The following FXR1 variants were observed in gnomAD, a reference collection of about 807,000 sequenced individuals.
FXR1 encodes FMR1 autosomal homolog 1.
FXR1 carries 15 observed loss-of-function variants against 84.0 expected under a neutral mutation model. That is an observed-to-expected ratio of 0.18 (90% CI 0.12 to 0.27). The LOEUF is 0.27. Among genes scored for constraint, FXR1 ranks in the 10% least tolerant of loss-of-function variants. The pLI is 1.00. For synonymous variants in FXR1, 245 were observed against 250.7 expected, an observed-to-expected ratio of 0.98 and a Z score of 0.21; for missense variants, 480 against 774.4, an observed-to-expected ratio of 0.62 and a Z score of 4.51.
At chr3:180,953,164 A>C (rs1722404029) in intron 8 of FXR1, among the ~76,000 whole-genome samples, 2 of 152,200 alleles carry the variant, frequency 1.3e-5, no homozygotes, top group African/African-American at 4.8e-5. Flanking sequence ...TTATTAAAGA[A>C]CACACGTTAA....
chr3:180,912,702 TG>T lies in FXR1; in HGVS notation c.19del (p.Glu7ArgfsTer49). 6.2e-7 allele frequency: 1 copy of T among 1,610,578 alleles called. No homozygotes were observed. The highest frequency in any genetic ancestry group is 8.5e-7 in the Non-Finnish European group (1 of 1,178,706). ...GGTTCCAACATGGCGGAGCTGACGG[TG>T]GAGGTTCGCGGCTCTAACGGGGCTT... is the stretch of plus-strand genomic sequence containing the variant. Reference protein sequence around the residue: MAELTVEVRGSNGAFY... With the variant: MAELTXEVRGSNGAFY... On this transcript the variant is annotated frameshift_variant, in exon 1 of 17. Transcript: ENST00000357559. LOFTEE classifies it high-confidence loss of function.
chr3:180,932,085 A>AAAAAAAAAAC (rs1452144956), intron 1 of FXR1, among the ~76,000 whole-genome samples: 12 of 150,646 alleles, frequency 8.0e-5, no homozygotes, highest in African/African-American at 1.7e-4. Flanking sequence ...CAAAAAAAAA[A>AAAAAAAAAAC]AAAAACAACT....
intron 10 of FXR1, among the ~76,000 whole-genome samples, chr3:180,960,346 TACCTG>T (rs1711940536): frequency 1.3e-5 from 2 of 152,242 alleles, no homozygotes; most frequent in Admixed American, 1.3e-4. Flanking sequence ...AAGATTTTGT[TACCTG>T]AGCACATACT....
chr3:180,921,384 A>C (rs577876377), intron 1 of FXR1, among the ~76,000 whole-genome samples: 3 of 152,176 alleles, frequency 2.0e-5, no homozygotes, highest in East Asian at 3.9e-4. Flanking sequence ...AAAAAAAAAA[A>C]AAAAACTTGT....
chr3:180,946,029 T>C (rs1361696890), intron 3 of FXR1, among the ~76,000 whole-genome samples: 1 of 152,256 alleles, frequency 6.6e-6, no homozygotes, highest in African/African-American at 2.4e-5. Context: ...TTGCATCTGT[T>C]GTCTGATATC....
intron 1 of FXR1, among the ~76,000 whole-genome samples, chr3:180,923,188 T>C (rs536163479): frequency 6.6e-6 from 1 of 152,328 alleles, no homozygotes; most frequent in African/African-American, 2.4e-5. Context: ...TTCTTGCATG[T>C]GTGTCTCTCC....
At chr3:180,921,072 A>T (rs1718528848) in intron 1 of FXR1, among the ~76,000 whole-genome samples, 1 of 151,954 alleles carries the variant, frequency 6.6e-6, no homozygotes, top group African/African-American at 2.4e-5. Flanking sequence ...TTCTTATTAG[A>T]GCTTACTCCA....
At chr3:180,927,701 G>A (rs1049469987) in intron 1 of FXR1, 2 of 489,978 alleles carry the variant, frequency 4.1e-6, no homozygotes, top group Non-Finnish European at 7.2e-6. Flanking sequence ...AGTAAGGTAG[G>A]ATCTACAAGA....
chr3:180,936,324 A>G (rs956958491), intron 3 of FXR1, among the ~76,000 whole-genome samples: 13 of 152,126 alleles, frequency 8.5e-5, no homozygotes, highest in South Asian at 8.3e-4. Context: ...CTGGAGTTCA[A>G]TGGAGCAATC....
chr3:180,923,559 C>G (rs1006076540), intron 1 of FXR1, among the ~76,000 whole-genome samples: 2 of 151,616 alleles, frequency 1.3e-5, no homozygotes, highest in African/African-American at 4.8e-5. Context: ...AATCTGTTAA[C>G]TATGTAGACA....
At chr3:180,958,697 C>A (rs1198628025) in intron 10 of FXR1, among the ~76,000 whole-genome samples, 1 of 151,644 alleles carries the variant, frequency 6.6e-6, no homozygotes, top group Admixed American at 6.6e-5. Flanking sequence ...CAAAGGAATT[C>A]TTGATTGTAC....
chr3:180,964,586 G>C (rs771994673), intron 13 of FXR1, among the ~76,000 whole-genome samples: 1 of 151,622 alleles, frequency 6.6e-6, no homozygotes, highest in South Asian at 2.1e-4. Context: ...TACTGAACCT[G>C]AGTGGGCTTG....
At position 180,978,571 on chromosome 3, in the gene FXR1, A is replaced by G. The variant is rs1296287821; in HGVS notation, c.*2279A>G. On this transcript the variant is annotated 3_prime_UTR_variant, in exon 17 of 17. Transcript: ENST00000357559. The stretch of plus-strand genomic sequence containing the variant: ...TGGGAAGAACTTGCCACTATACACT[A>G]AACAGACACTTAAGCAAAAGATGTA... The G allele has an allele frequency of 6.6e-6, 1 of 152,054 alleles. No homozygotes were observed. Among genetic ancestry groups the G allele is most frequent in the African/African-American group, 2.4e-5 (1 of 41,414 alleles). 9.4% of individuals were successfully genotyped at this position (152,054 alleles called of 1,614,324 possible).
rs1052570153 is a variant in FXR1 at position 180,915,409 on chromosome 3, C to T, written c.51+2673C>T. On this transcript the variant is annotated intron_variant, in intron 1 of 16. Transcript: ENST00000357559. ...ATAGTTTTTCTTATTCAGAACGTTA[C>T]GTATATAGAATCGTACACTATATTG... The T allele has an allele frequency of 3.8e-5, 30 of 781,662 alleles. No individual in the cohort carries two copies. In the African/African-American group the frequency reaches 4.5e-4, roughly 12 times the overall value. 48.4% of individuals were successfully genotyped at this position (781,662 alleles called of 1,614,324 possible). A position where few individuals can be genotyped will look rare whatever the true frequency, so the allele number is the denominator to read the frequency against.
At chr3:180,963,317 T>C (rs549002328) in intron 13 of FXR1, among the ~76,000 whole-genome samples, 9 of 152,104 alleles carry the variant, frequency 5.9e-5, no homozygotes, top group Non-Finnish European at 1.3e-4. Flanking sequence ...AAGCAAAGCA[T>C]GTTTTTAAGT....
At chr3:180,933,215 G>A in intron 1 of FXR1, 119 bp from the exon 2 acceptor site, 1 of 639,256 alleles carries the variant, frequency 1.6e-6, no homozygotes, top group Non-Finnish European at 2.8e-6. Context: ...ACTCACATCT[G>A]CCTAATTCCA....
chr3:180,925,345 G>A (rs1576901304), intron 1 of FXR1, among the ~76,000 whole-genome samples: 1 of 150,196 alleles, frequency 6.7e-6, no homozygotes, highest in Non-Finnish European at 1.5e-5. Flanking sequence ...GGGCAACAGA[G>A]CGAGACTCCA....
chr3:180,951,504 A>G (rs1722228250), intron 8 of FXR1, 36 bp downstream of exon 8: 3 of 1,377,090 alleles, frequency 2.2e-6, no homozygotes, highest in Admixed American at 2.0e-5. Flanking sequence ...CCTTTAGTGT[A>G]TTAACCATCT....
intron 1 of FXR1, among the ~76,000 whole-genome samples, chr3:180,925,499 C>T (rs1419784127): frequency 6.6e-6 from 1 of 152,058 alleles, no homozygotes; most frequent in African/African-American, 2.4e-5. Flanking sequence ...GATAAGAAAC[C>T]GCGGTCATTC....
Sources: gnomAD v4.1 joint callset for allele counts (sites outside exome capture counted in the v4.1 genomes callset) on GRCh38, gnomAD v4.1.1 for gene constraint, MANE v1.5 for transcripts, NCBI Gene and HGNC (gene_info 2026-07-23, HGNC 2026-07-21) for gene names.